RGS12: variants seen among roughly 807,000 people sequenced by gnomAD.
RGS12 encodes the protein regulator of G protein signaling 12.
Under a neutral mutation model 120.1 loss-of-function variants are expected in RGS12, and 66 were observed. The ratio of observed to expected loss-of-function variants is 0.55; its 90% CI spans 0.45 to 0.67. RGS12 has a LOEUF of 0.67. RGS12 is among the 30% of genes least tolerant of loss of function. The pLI is 0.00. For missense variants in RGS12, 1,859 were observed against 1,957.7 expected (o/e 0.95, Z 0.95); for synonymous variants, 827 against 804.7 (o/e 1.03, Z -0.47).
chr4:3,420,601 G>C (rs1722904928), intron 9 of RGS12, 41 bp from the exon 10 acceptor site: 1 of 1,600,374 alleles, frequency 6.2e-7, no homozygotes, highest in South Asian at 1.1e-5. Flanking sequence ...CGAATAAACA[G>C]GGTTCTGATT....
At chr4:3,327,047 C>T (rs1413968568) in intron 2 of RGS12, among the ~76,000 whole-genome samples, 2 of 152,180 alleles carry the variant, frequency 1.3e-5, no homozygotes, top group Non-Finnish European at 2.9e-5. Flanking sequence ...TATTACATTA[C>T]CTGACTTCAA....
chr4:3,405,670 G>T (rs1252566687), intron 4 of RGS12, among the ~76,000 whole-genome samples: 4 of 152,182 alleles, frequency 2.6e-5, no homozygotes, highest in Non-Finnish European at 5.9e-5. Flanking sequence ...CTACACTGAC[G>T]TGTTTAGGGG....
At chr4:3,435,321 C>G (rs904545073) in intron 17 of RGS12, among the ~76,000 whole-genome samples, 2 of 152,146 alleles carry the variant, frequency 1.3e-5, no homozygotes, top group African/African-American at 4.8e-5. Flanking sequence ...CCCCACCTGG[C>G]TCCTGCTCTG....
upstream of RGS12, among the ~76,000 whole-genome samples, chr4:3,289,069 C>G (rs896930758): frequency 6.6e-5 from 10 of 152,294 alleles, no homozygotes; most frequent in African/African-American, 2.4e-4. Context: ...CCCACCTCCC[C>G]CTATCAGCCT....
Position 3,425,550 on chromosome 4 carries a change from C to T in RGS12, c.3321C>T (p.Ser1107=), listed in dbSNP as rs757092096. Residue 1107 remains serine, a synonymous_variant, in exon 14 of 18, where the codon TCC becomes TCT. Coordinates refer to ENST00000336727, the MANE Select transcript of RGS12 (RefSeq NM_001394154.1). ...QRVVLEEKDP[S]RGKASADKQK... ...TTGTCTTGGAGGAGAAGGATCCTTC[C>T]AGAGGAAAGGGTGAGTAGGGCTGGT... The T allele has an allele frequency of 1.2e-6, 2 of 1,607,812 alleles. No homozygotes were observed. Among genetic ancestry groups the T allele is most frequent in the South Asian group, 2.2e-5 (2 of 90,704 alleles).
Position 3,338,750 on chromosome 4 carries a change from G to A in RGS12, c.1882-4187G>A, listed in dbSNP as rs142952332. On this transcript the variant is annotated intron_variant, in intron 2 of 17. Coordinates refer to ENST00000336727, the MANE Select transcript of RGS12 (RefSeq NM_001394154.1). The stretch of plus-strand genomic sequence containing the variant: ...GCCCTGGGGGCCACCTGTCTTCTCA[G>A]ACAGTCGTGAGGAGTCTTCTCAACT... Among the ~76,000 whole-genome samples, 252 of 152,340 alleles carry A rather than the reference G, an allele frequency of 1.7e-3. 2 individuals are homozygous for A. The highest frequency in any genetic ancestry group is 5.6e-3 in the African/African-American group (231 of 41,582).
chr4:3,403,164 G>T (rs961983805), intron 4 of RGS12, among the ~76,000 whole-genome samples: 1 of 152,218 alleles, frequency 6.6e-6, no homozygotes, highest in African/African-American at 2.4e-5. Flanking sequence ...AGAAGGACTT[G>T]GTGTCACTTC....
At chr4:3,361,383 G>A (rs1166837685) in intron 3 of RGS12, among the ~76,000 whole-genome samples, 1 of 152,178 alleles carries the variant, frequency 6.6e-6, no homozygotes, top group African/African-American at 2.4e-5. Context: ...TTGTGTTATA[G>A]TTGATGACAA....
chr4:3,294,739 C>A (rs1723268170), intron 1 of RGS12, among the ~76,000 whole-genome samples: 1 of 152,208 alleles, frequency 6.6e-6, no homozygotes, highest in African/African-American at 2.4e-5. Context: ...GAGGCTGGAA[C>A]CTGCCATCAG....
intron 3 of RGS12, among the ~76,000 whole-genome samples, chr4:3,358,969 C>T (rs1420965287): frequency 8.6e-5 from 6 of 69,682 alleles, no homozygotes; most frequent in Non-Finnish European, 1.7e-4. Flanking sequence ...CCTCCTCCTC[C>T]CCTCCTCCCT....
intron 3 of RGS12, among the ~76,000 whole-genome samples, chr4:3,373,048 C>A (rs768661820): frequency 3.9e-5 from 6 of 152,116 alleles, no homozygotes; most frequent in Non-Finnish European, 8.8e-5. Context: ...TGCGGTGAGA[C>A]CTGGCAGCGA....
At chr4:3,427,066 C>T (rs1051059888) in intron 14 of RGS12, among the ~76,000 whole-genome samples, 2 of 152,196 alleles carry the variant, frequency 1.3e-5, no homozygotes, top group African/African-American at 4.8e-5. Flanking sequence ...GGAGCTCCAA[C>T]TCTTGCTCCC....
At position 3,365,156 on chromosome 4, in the gene RGS12, CAG is replaced by C. The variant is rs1716168404; in HGVS notation, c.1999-21255_1999-21254del. On this transcript the variant is annotated intron_variant, in intron 3 of 17. Transcript: ENST00000336727. This position sits in a 1 kb window ranked among gnomAD's most constrained non-coding sequence, Gnocchi z 4.0. The stretch of plus-strand genomic sequence containing the variant: ...GAGAGACCTGGACTCAGGGACTGGG[CAG>C]AGAGGGGATGTTCAGGGCCAGGGAT... Among the ~76,000 whole-genome samples, 1 of 152,190 alleles carries C rather than the reference CAG, an allele frequency of 6.6e-6. No homozygotes were observed. The highest frequency in any genetic ancestry group is 2.4e-5 in the African/African-American group (1 of 41,458).
intron 3 of RGS12, among the ~76,000 whole-genome samples, chr4:3,347,222 A>G (rs1007876433): frequency 6.6e-6 from 1 of 152,202 alleles, no homozygotes; most frequent in Admixed American, 6.5e-5. Flanking sequence ...AGGTGGGCGG[A>G]TCACAAGGTC....
At position 3,310,298 on chromosome 4, in the gene RGS12, C is replaced by T. The variant is rs148793103; in HGVS notation, c.-101-5772C>T. Among the ~76,000 whole-genome samples, 380 of 142,938 alleles carry T rather than the reference C, an allele frequency of 2.7e-3. 7 individuals are homozygous for T. The highest frequency in any genetic ancestry group is 2.1e-3 in the Non-Finnish European group (137 of 66,818). 93.8% of individuals were successfully genotyped at this position (142,938 alleles called of 152,430 possible). ...ACCGTGTCGGGGAGGAGCTGGGACC[C>T]GGGAAATGGCAGGTGTCCTCTGAGG... On this transcript the variant is annotated intron_variant, in intron 1 of 17. Transcript: ENST00000336727.
chr4:3,310,939 A>G (rs1724358948), intron 1 of RGS12, among the ~76,000 whole-genome samples: 1 of 152,218 alleles, frequency 6.6e-6, no homozygotes. Flanking sequence ...GTGTGCTGGT[A>G]GACAAGTTAC....
chr4:3,317,031 G>A lies in RGS12; in HGVS notation c.861G>A (p.Lys287=), dbSNP rs779517074. 1.2e-6 allele frequency: 2 copies of A among 1,613,748 alleles called. No homozygotes were observed. The highest frequency in any genetic ancestry group is 3.3e-5 in the Admixed American group (2 of 60,034). Residue 287 remains lysine, a synonymous_variant, in exon 2 of 18, where the codon AAG becomes AAA. Transcript: ENST00000336727. ...ACTGTGTGCAGCTGAGCACTGACAA[G>A]GCTGGAGTCGTGGCCGAGTACCCGG... The part of the protein sequence containing the change: ...MHDCVQLSTD[K]AGVVAEYPAE...
rs1036405889 is a variant in RGS12 at position 3,365,532 on chromosome 4, C to A, written c.1999-20884C>A. Among the ~76,000 whole-genome samples, 4 of 152,118 alleles carry A rather than the reference C, an allele frequency of 2.6e-5. No homozygotes were observed. Among genetic ancestry groups the A allele is most frequent in the African/African-American group, 9.7e-5 (4 of 41,392 alleles). On this transcript the variant is annotated intron_variant, in intron 3 of 17. Transcript: ENST00000336727. The surrounding 1 kb of genome is among the most constrained non-coding windows in gnomAD (Gnocchi z 4.0). Reference sequence around the variant, plus strand: ...TAAATCCCAGCAAAAACCGACGGAGCCCTGAGTCCGACCTAAGCCTTAGTG... The same window carrying A: ...TAAATCCCAGCAAAAACCGACGGAGACCTGAGTCCGACCTAAGCCTTAGTG...
At position 3,422,997 on chromosome 4, in the gene RGS12, T is replaced by A; in HGVS notation, c.3107+19T>A. 1 of 1,607,968 alleles carries A rather than the reference T, an allele frequency of 6.2e-7. No homozygotes were observed. Among genetic ancestry groups the A allele is most frequent in the Non-Finnish European group, 8.5e-7 (1 of 1,175,522 alleles). On this transcript the variant is annotated intron_variant, in intron 12 of 17. Coordinates refer to ENST00000336727, the MANE Select transcript of RGS12 (RefSeq NM_001394154.1). ...TGTTTCGGTAAGAGGAAGATCGCTG[T>A]CATTCACCTGAGGCTCCCAGAGCCA...
Sources: allele counts gnomAD v4.1 joint callset (sites outside exome capture counted in the v4.1 genomes callset), GRCh38; gene constraint gnomAD v4.1.1; non-coding constraint Gnocchi (gnomAD v3.1); transcripts MANE v1.5; gene names NCBI Gene and HGNC (gene_info 2026-07-23, HGNC 2026-07-21).